ANXA11: variants seen among roughly 807,000 people sequenced by gnomAD.
ANXA11 encodes the protein annexin A11, also known as 56 kDa autoantigen.
In ANXA11, 57 loss-of-function variants were observed where a neutral mutation model predicts 64.7. The observed-to-expected ratio is 0.88, with a 90% CI of 0.71 to 1.10. ANXA11 has a LOEUF of 1.10. Ranked by LOEUF, ANXA11 falls within the 50% of genes least tolerant of loss-of-function variation. The pLI is 0.00. For missense variants in ANXA11, 675 were observed against 670.7 expected, an observed-to-expected ratio of 1.01 and a Z score of -0.07; for synonymous variants, 260 against 265.2, an observed-to-expected ratio of 0.98 and a Z score of 0.19.
Position 80,176,669 on chromosome 10 carries a change from G to C in ANXA11, c.-57-514C>G, listed in dbSNP as rs553172546. On this transcript the variant is annotated intron_variant, in intron 1 of 15. Transcript: ENST00000422982. ...TCCAAGACTAAAAGAACACACACAG[G>C]GTCCATTCAGTTCCAGGCAGCCTTG... 3.3e-3 allele frequency among the ~76,000 whole-genome samples: 500 copies of C among 152,292 alleles called. 9 individuals are homozygous for C. The highest frequency in any genetic ancestry group is 8.1e-3 in the East Asian group (42 of 5,166).
chr10:80,156,499 C>A, intron 15 of ANXA11: 1 of 470,224 alleles, frequency 2.1e-6, no homozygotes. Context: ...AGGAGATACT[C>A]TGTAATGAAT....
intron 8 of ANXA11, among the ~76,000 whole-genome samples, chr10:80,165,758 C>T (rs1341435489): frequency 6.6e-6 from 1 of 152,150 alleles, no homozygotes; most frequent in Non-Finnish European, 1.5e-5. Context: ...CCATGGCCTC[C>T]TACCCCTCTT....
At chr10:80,171,250 CAG>C in intron 3 of ANXA11, 1 of 1,180,472 alleles carries the variant, frequency 8.5e-7, no homozygotes, top group Non-Finnish European at 1.1e-6. Context: ...CAGACAAGGA[CAG>C]ACTGTTGTGG....
intron 3 of ANXA11, chr10:80,171,685 C>T (rs2573351): frequency 0.45 from 443,859 of 985,278 alleles, 101,753 homozygotes; most frequent in African/African-American, 0.64. Flanking sequence ...AGATGCTTTC[C>T]TCTACATGGC....
Position 80,166,032 on chromosome 10 carries a change from A to G in ANXA11, c.858+52T>C, listed in dbSNP as rs1303249486. On this transcript the variant is annotated intron_variant, in intron 8 of 15. Coordinates refer to ENST00000422982, the MANE Select transcript of ANXA11 (RefSeq NM_145868.2). The stretch of plus-strand genomic sequence containing the variant: ...TGTCCACACGCATGCGCGCGTGCGC[A>G]CACACGCGCGCACACACACACACAC... 2.2e-5 allele frequency: 21 copies of G among 964,538 alleles called. 1 individual carries two copies. Among genetic ancestry groups the G allele is most frequent in the Middle Eastern group, 2.2e-4 (1 of 4,618 alleles). The allele number at this position is 964,538 out of a possible 1,614,324, so 59.7% of individuals were successfully genotyped here. A position where few individuals can be genotyped will look rare whatever the true frequency, so the allele number is the denominator to read the frequency against.
intron 10 of ANXA11, 60 bp downstream of exon 10, chr10:80,163,474 G>A (rs980790402): frequency 1.2e-6 from 2 of 1,609,478 alleles, no homozygotes; most frequent in South Asian, 1.1e-5. Context: ...TCATTGCGGG[G>A]ATCCCATCTC....
intron 11 of ANXA11, 81 bp downstream of exon 11, chr10:80,163,268 C>T: frequency 2.0e-6 from 3 of 1,525,162 alleles, no homozygotes; most frequent in Non-Finnish European, 2.7e-6. Context: ...TCTTTCCACC[C>T]TAGGGTACCT....
intron 1 of ANXA11, among the ~76,000 whole-genome samples, chr10:80,187,770 AG>A (rs1025018374): frequency 1.3e-5 from 2 of 152,130 alleles, no homozygotes; most frequent in Non-Finnish European, 2.9e-5. Context: ...AAACAATGGT[AG>A]TGAGCTGATG....
In ANXA11 at chr10:80,166,942, G is replaced by C. The variant is rs1200125589; in HGVS notation, c.692C>G (p.Ser231Cys). The change falls in exon 7 of 16, where the codon TCC (serine) becomes TGC (cysteine). Residue 231 changes from serine to cysteine, a missense_variant. Physicochemically the swap from Ser to Cys is moderately radical, Grantham distance 112 (BLOSUM62 -1). Transcript: ENST00000422982. ...QAIIDCLGSR[S>C]NKQRQQILLS... ...TAGGATCTGCTGCCGCTGCTTGTTGGAGCGACTCCCCAGGCAGTCAATGAT... is the reference window on the plus strand; with the variant it reads ...TAGGATCTGCTGCCGCTGCTTGTTGCAGCGACTCCCCAGGCAGTCAATGAT... 1 of 1,609,552 alleles carries C rather than the reference G, an allele frequency of 6.2e-7. No individual in the cohort carries two copies. The highest frequency in any genetic ancestry group is 8.5e-7 in the Non-Finnish European group (1 of 1,178,436).
Position 80,166,044 on chromosome 10 carries a change from A to ACACACGCG in ANXA11, c.858+39_858+40insCGCGTGTG, listed in dbSNP as rs755202145. Reference sequence around the variant, plus strand: ...TGCGCGCGTGCGCACACACGCGCGCACACACACACACACACACACACACAC... The same window carrying ACACACGCG: ...TGCGCGCGTGCGCACACACGCGCGCACACACGCGCACACACACACACACACACACACAC... On this transcript the variant is annotated intron_variant, in intron 8 of 15. Transcript: ENST00000422982. 235 of 172,526 alleles carry ACACACGCG rather than the reference A, an allele frequency of 1.4e-3. 1 individual carries two copies. Among genetic ancestry groups the ACACACGCG allele is most frequent in the South Asian group, 1.5e-3 (27 of 17,954 alleles). The allele number at this position is 172,526 out of a possible 1,614,324, so 10.7% of individuals were successfully genotyped here. A position where few individuals can be genotyped will look rare whatever the true frequency, so the allele number is the denominator to read the frequency against.
In ANXA11 at chr10:80,166,226, C is replaced by CA. The variant is rs61537094; in HGVS notation, c.745-30dup. The CA allele has an allele frequency of 0.068, 65,681 of 961,788 alleles. 23 individuals carry two copies. The highest frequency in any genetic ancestry group is 0.11 in the East Asian group (3,016 of 26,976). The allele number at this position is 961,788 out of a possible 1,614,324, so 59.6% of individuals were successfully genotyped here. On this transcript the variant is annotated intron_variant, in intron 7 of 15. Transcript: ENST00000422982. ...ATTGGATATTCAAACAAACAACCAA[C>CA]AAAAAAAAAAACAAGTCTATTTAAA...
rs376058745 is a variant in ANXA11 at position 80,200,876 on chromosome 10, T to C, written c.-58+4467A>G. ...CATGCTTCATTCACTCATTCATTCA[T>C]TCATGAGAATGAATCCACTTTGTGA... On this transcript the variant is annotated intron_variant, in intron 1 of 15. Coordinates refer to ENST00000422982, the MANE Select transcript of ANXA11 (RefSeq NM_145868.2). Among the ~76,000 whole-genome samples the C allele has an allele frequency of 2.0e-5, 3 of 152,216 alleles. No individual in the cohort carries two copies. In the South Asian group the frequency reaches 6.2e-4, roughly 32 times the overall value.
Position 80,169,020 on chromosome 10 carries a change from G to A in ANXA11, c.510C>T (p.Tyr170=), listed in dbSNP as rs1342615649. The change falls in exon 5 of 16, where the codon TAC becomes TAT. Residue 170 remains tyrosine (Y), a synonymous_variant. Transcript: ENST00000422982. ...LPGQQQPVPS[Y]PGYPGSGTVT... ...CAGTCCCAGACCCCGGGTATCCTGG[G>A]TAGCTCGGCACTGGCTGCTGCTGCC... The A allele has an allele frequency of 6.5e-7, 1 of 1,548,384 alleles. No individual in the cohort carries two copies.
chr10:80,175,872 G>GT (rs1222279445), intron 2 of ANXA11, among the ~76,000 whole-genome samples: 1 of 152,100 alleles, frequency 6.6e-6, no homozygotes, highest in Non-Finnish European at 1.5e-5. Context: ...GCCTGGCCAT[G>GT]GTGAAACACT....
rs191366491 is a variant in ANXA11, at chr10:80,202,226, G to A, written c.-58+3117C>T. Among the ~76,000 whole-genome samples, 433 of 152,084 alleles carry A rather than the reference G, an allele frequency of 2.8e-3. 3 individuals are homozygous for A. Among genetic ancestry groups the A allele is most frequent in the Middle Eastern group, 6.8e-3 (2 of 294 alleles). ...GGAAGCGGGGGGTCTCTGTGTGGCT[G>A]GGTGGCTTGTCCTAGGATACCTAGC... is the stretch of plus-strand genomic sequence containing the variant. On this transcript the variant is annotated intron_variant, in intron 1 of 15. Transcript: ENST00000422982.
chr10:80,159,220 TTATGA>T, intron 12 of ANXA11, 25 bp from the exon 13 acceptor site: 1 of 1,590,412 alleles, frequency 6.3e-7, no homozygotes, highest in East Asian at 2.2e-5. Context: ...GAGGCTTATA[TTATGA>T]ACTGAAATGT....
At chr10:80,181,609 C>T (rs1011265166) in intron 1 of ANXA11, among the ~76,000 whole-genome samples, 3 of 152,020 alleles carry the variant, frequency 2.0e-5, no homozygotes, top group Non-Finnish European at 4.4e-5. Flanking sequence ...AACAAGAAAA[C>T]CTTACGATTT....
chr10:80,193,494 T>C (rs1357646079), intron 1 of ANXA11, among the ~76,000 whole-genome samples: 1 of 152,170 alleles, frequency 6.6e-6, no homozygotes, highest in African/African-American at 2.4e-5. Context: ...ACAACATATA[T>C]ATGAATTATA....
intron 8 of ANXA11, among the ~76,000 whole-genome samples, 195 bp downstream of exon 8, chr10:80,165,889 T>C (rs974292124): frequency 6.6e-6 from 1 of 151,542 alleles, no homozygotes. Flanking sequence ...TCACAGGGAG[T>C]TCCCTTTTCT....
Sources: gnomAD v4.1 joint callset for allele counts (sites outside exome capture counted in the v4.1 genomes callset) on GRCh38, gnomAD v4.1.1 for gene constraint, MANE v1.5 for transcripts, NCBI Gene and HGNC (gene_info 2026-07-23, HGNC 2026-07-21) for gene names.